Variants in ZNF3 observed in about 807,000 individuals in gnomAD.
The protein encoded by ZNF3 is C2-H2 type zinc finger protein.
Under a neutral mutation model 36.9 loss-of-function variants are expected in ZNF3, and 16 were observed. That is an observed-to-expected ratio of 0.43 (90% CI 0.29 to 0.66). The LOEUF is 0.66. Ranked by LOEUF, ZNF3 falls within the 30% of genes least tolerant of loss-of-function variation. The pLI, the probability that ZNF3 is intolerant of heterozygous loss-of-function variation, is 0.13. For missense variants in ZNF3, 462 were observed against 543.1 expected, an observed-to-expected ratio of 0.85 and a Z score of 1.48; for synonymous variants, 201 against 201.9, an observed-to-expected ratio of 1.00 and a Z score of 0.04.
At chr7:100,064,044 C>T in exon 6 of ZNF3, 1 of 1,614,114 alleles carries the variant, frequency 6.2e-7, no homozygotes, top group African/African-American at 1.3e-5. Context: ...CTGAATGTGG[C>T]AAAGCCTTTA....
intron 1 of ZNF3, among the ~76,000 whole-genome samples, chr7:100,080,562 A>C (rs962077912): frequency 1.3e-5 from 2 of 152,000 alleles, no homozygotes; most frequent in Non-Finnish European, 2.9e-5. Flanking sequence ...CTGTAATCCC[A>C]ACACTTTGGG....
At chr7:100,067,161 A>C (rs1041557417), downstream of ZNF3, among the ~76,000 whole-genome samples, 1 of 152,204 alleles carries the variant, frequency 6.6e-6, no homozygotes, top group Non-Finnish European at 1.5e-5. Context: ...CATTAATAAC[A>C]GGGAACTCTG....
chr7:100,082,084 G>A (rs1795066164), upstream of ZNF3, among the ~76,000 whole-genome samples: 1 of 152,206 alleles, frequency 6.6e-6, no homozygotes, highest in South Asian at 2.1e-4. Flanking sequence ...CTCGCGAAGG[G>A]CAGCAGTAAA....
chr7:100,069,444 C>G (rs1441042341), downstream of ZNF3, among the ~76,000 whole-genome samples: 2 of 151,296 alleles, frequency 1.3e-5, no homozygotes, highest in Non-Finnish European at 2.9e-5. Context: ...CCCAGCTACT[C>G]TAGAGACTGA....
exon 6 of ZNF3, chr7:100,064,665 A>G: frequency 6.2e-7 from 1 of 1,602,638 alleles, no homozygotes; most frequent in African/African-American, 1.3e-5. Context: ...TTAGAATCTG[A>G]AAACCAGAAA....
downstream of ZNF3, among the ~76,000 whole-genome samples, chr7:100,067,576 T>C (rs1195453267): frequency 6.6e-6 from 1 of 152,154 alleles, no homozygotes; most frequent in Non-Finnish European, 1.5e-5. Flanking sequence ...AGCTAATTTT[T>C]ATTTTTGTAG....
chr7:100,079,677 A>T (rs1794689979), intron 1 of ZNF3, 21 bp from the exon 2 acceptor site: 2 of 152,182 alleles, frequency 1.3e-5, no homozygotes. Flanking sequence ...AAGGGGAAAA[A>T]AAGGAATTTA....
At chr7:100,076,309 T>C (rs1323441787) in intron 3 of ZNF3, among the ~76,000 whole-genome samples, 2 of 152,084 alleles carry the variant, frequency 1.3e-5, no homozygotes, top group Non-Finnish European at 2.9e-5. Flanking sequence ...TTTTTTCTTT[T>C]TGAGGTGGCG....
At chr7:100,081,971 C>A (rs1795056322), upstream of ZNF3, among the ~76,000 whole-genome samples, 1 of 152,128 alleles carries the variant, frequency 6.6e-6, no homozygotes, top group Non-Finnish European at 1.5e-5. This position sits in a 1 kb window ranked among gnomAD's most constrained non-coding sequence, Gnocchi z 4.3. Flanking sequence ...CGAAAGCGGC[C>A]GACCACGGTC....
chr7:100,077,336 C>T lies in ZNF3; in HGVS notation c.22G>A (p.Val8Ile), dbSNP rs372465031. 6 of 1,613,800 alleles carry T rather than the reference C, an allele frequency of 3.7e-6. No homozygotes were observed. Among genetic ancestry groups the T allele is most frequent in the Middle Eastern group, 1.6e-4 (1 of 6,062 alleles). Residue 8 changes from valine (V) to isoleucine (I), a missense_variant, in exon 3 of 6, where the codon GTA (valine) becomes ATA (isoleucine). By Grantham distance (29) the Val-to-Ile change is conservative. Coordinates refer to ENST00000299667, the MANE Select transcript of ZNF3 (RefSeq NM_032924.5). ...AGCAGGGCCTGAGGTTCCTGAGATACGAGATCAGCCTGAGTTTCCATGGAA... is the reference window on the plus strand; with the variant it reads ...AGCAGGGCCTGAGGTTCCTGAGATATGAGATCAGCCTGAGTTTCCATGGAA... METQADL[V>I]SQEPQALLDS... is the part of the protein sequence containing the mutation.
intron 3 of ZNF3, 174 bp downstream of exon 3, chr7:100,077,129 A>C (rs1051520892): frequency 1.5e-6 from 1 of 682,890 alleles, no homozygotes; most frequent in African/African-American, 1.8e-5. Context: ...TCAAGCTGTC[A>C]TTGATTACTG....
At chr7:100,065,593 C>G (rs994288929), downstream of ZNF3, among the ~76,000 whole-genome samples, 20 of 151,734 alleles carry the variant, frequency 1.3e-4, no homozygotes, top group African/African-American at 4.1e-4. Flanking sequence ...GAAAGAGTGT[C>G]TTTTGCGTCT....
chr7:100,070,490 G>A lies in ZNF3; in HGVS notation c.*653C>T. 1 of 985,600 alleles carries A rather than the reference G, an allele frequency of 1.0e-6. No homozygotes were observed. Among genetic ancestry groups the A allele is most frequent in the Non-Finnish European group, 1.2e-6 (1 of 830,096 alleles). The allele number at this position is 985,600 out of a possible 1,614,324, so 61.1% of individuals were successfully genotyped here. ...ATTCAGCCCCAGGACAACTGGGGGG[G>A]ATGGCAGGGGGTCTGCTGGCAATAT... On this transcript the variant is annotated 3_prime_UTR_variant, in exon 6 of 6. Coordinates refer to ENST00000299667, the MANE Select transcript of ZNF3 (RefSeq NM_032924.5).
chr7:100,077,304 A>G lies in ZNF3; in HGVS notation c.54T>C (p.Ser18=). The G allele has an allele frequency of 1.2e-6, 2 of 1,613,884 alleles. No individual in the cohort carries two copies. The highest frequency in any genetic ancestry group is 1.7e-6 in the Non-Finnish European group (2 of 1,179,944). The change falls in exon 3 of 6, where the codon AGT becomes AGC. Residue 18 remains serine (S), a splice_region_variant and synonymous_variant. Coordinates refer to ENST00000299667, the MANE Select transcript of ZNF3 (RefSeq NM_032924.5). ...AATGAATGAGTCCTTATTCCTCACC[A>G]CTGTCAAGCAGGGCCTGAGGTTCCT... is the stretch of plus-strand genomic sequence containing the variant. ...VSQEPQALLD[S]ALPSKVPAFS... is the part of the protein sequence containing the mutation.
At chr7:100,068,222 G>A (rs1029945514), downstream of ZNF3, among the ~76,000 whole-genome samples, 8 of 152,130 alleles carry the variant, frequency 5.3e-5, no homozygotes, top group Non-Finnish European at 2.9e-5. Context: ...GAGTAGCTGG[G>A]ATTACAGGCA....
chr7:100,080,934 T>G (rs1342151372), intron 1 of ZNF3, among the ~76,000 whole-genome samples: 3 of 152,260 alleles, frequency 2.0e-5, no homozygotes, highest in African/African-American at 4.8e-5. Context: ...AATAATACGC[T>G]CGTTCCTCTA....
In ZNF3 at chr7:100,072,058, G is replaced by C; in HGVS notation, c.426C>G (p.Asn142Lys). Reference sequence around the variant, plus strand: ...TCCTGTTCAGTCTTTCTCCAGGGGAGTTCCCCAGCGGCCTTTTCAGACTGA... The same window carrying C: ...TCCTGTTCAGTCTTTCTCCAGGGGACTTCCCCAGCGGCCTTTTCAGACTGA... The part of the protein sequence containing the change: ...REVSLKRPLG[N>K]SPGERLNRKM... Residue 142 changes from asparagine to lysine, a missense_variant, in exon 6 of 6, where the codon AAC becomes AAG. Transcript: ENST00000299667. The C allele has an allele frequency of 6.2e-7, 1 of 1,614,212 alleles. No individual in the cohort carries two copies. Among genetic ancestry groups the C allele is most frequent in the Non-Finnish European group, 8.5e-7 (1 of 1,180,048 alleles).
At position 100,077,358 on chromosome 7, in the gene ZNF3, G is replaced by A; in HGVS notation, c.-1C>T. ...ATACGAGATCAGCCTGAGTTTCCAT[G>A]GAAGGGCAAGGTGCTCTCTGGTCTC... On this transcript the variant is annotated 5_prime_UTR_variant, in exon 3 of 6. Coordinates refer to ENST00000299667, the MANE Select transcript of ZNF3 (RefSeq NM_032924.5). The A allele has an allele frequency of 6.2e-7, 1 of 1,613,946 alleles. No individual in the cohort carries two copies. Among genetic ancestry groups the A allele is most frequent in the Non-Finnish European group, 8.5e-7 (1 of 1,179,988 alleles).
At chr7:100,064,891 G>C in exon 6 of ZNF3, 2 of 846,452 alleles carry the variant, frequency 2.4e-6, no homozygotes, top group Non-Finnish European at 3.3e-6. Flanking sequence ...CTTTTGCGTA[G>C]TTAAACAGAC....
Sources: gnomAD v4.1 joint callset for allele counts (sites outside exome capture counted in the v4.1 genomes callset) on GRCh38, gnomAD v4.1.1 for gene constraint, Gnocchi (gnomAD v3.1) non-coding constraint, MANE v1.5 for transcripts, NCBI Gene and HGNC (gene_info 2026-07-23, HGNC 2026-07-21) for gene names.